The following PKHD1L1 variants were observed in gnomAD, a reference collection of about 807,000 sequenced individuals.
PKHD1L1 encodes the protein PKHD1 like 1.
In PKHD1L1, 434 loss-of-function variants were observed where a neutral mutation model predicts 462.9. The ratio of observed to expected loss-of-function variants is 0.94; its 90% CI spans 0.87 to 1.02. PKHD1L1 has a LOEUF of 1.02. Among genes scored for constraint, PKHD1L1 ranks in the 50% least tolerant of loss-of-function variants. The pLI is 0.00. For synonymous variants in PKHD1L1, 1,781 were observed against 1,750.0 expected, an observed-to-expected ratio of 1.02 and a Z score of -0.44; for missense variants, 5,202 against 5,096.1, an observed-to-expected ratio of 1.02 and a Z score of -0.63.
chr8:109,389,213 T>A, intron 8 of PKHD1L1, 61 bp downstream of exon 8: 1 of 1,376,458 alleles, frequency 7.3e-7, no homozygotes, highest in South Asian at 1.2e-5. Context: ...TTCCCTGTTT[T>A]GTATTCTCCT....
chr8:109,442,438 T>C (rs1172498474), intron 35 of PKHD1L1, among the ~76,000 whole-genome samples: 2 of 152,150 alleles, frequency 1.3e-5, no homozygotes, highest in African/African-American at 4.8e-5. Flanking sequence ...AATCAACCAA[T>C]TGAAAAACAT....
chr8:109,383,172 A>G (rs1338302886), intron 4 of PKHD1L1, among the ~76,000 whole-genome samples: 2 of 107,004 alleles, frequency 1.9e-5, no homozygotes, highest in African/African-American at 7.6e-5. Context: ...TATAATATAT[A>G]CAATAATATA....
chr8:109,510,939 G>A lies in PKHD1L1; in HGVS notation c.11553+5G>A. 1 of 1,611,104 alleles carries A rather than the reference G, an allele frequency of 6.2e-7. No individual in the cohort carries two copies. The highest frequency in any genetic ancestry group is 8.5e-7 in the Non-Finnish European group (1 of 1,178,462). On this transcript the variant is annotated splice_donor_5th_base_variant and intron_variant, in intron 71 of 77. Coordinates refer to ENST00000378402, the MANE Select transcript of PKHD1L1 (RefSeq NM_177531.6). ...CTTAATGTTGATCATAACAAGGTAG[G>A]GCAAGATGTCTTAAGAGTAATTGCT...
rs1816696448 is a variant in PKHD1L1 at position 109,454,266 on chromosome 8, A to G, written c.6744+20A>G. ...CTTCAGGTATTCAAAAGAACATAAT[A>G]CATATTCATTTCCAACCTGTCTCCA... On this transcript the variant is annotated intron_variant, in intron 44 of 77. Coordinates refer to ENST00000378402, the MANE Select transcript of PKHD1L1 (RefSeq NM_177531.6). The G allele has an allele frequency of 1.3e-6, 2 of 1,532,798 alleles. No individual in the cohort carries two copies. The highest frequency in any genetic ancestry group is 1.8e-6 in the Non-Finnish European group (2 of 1,123,436). The allele number at this position is 1,532,798 out of a possible 1,614,324, so 94.9% of individuals were successfully genotyped here.
intron 13 of PKHD1L1, 120 bp downstream of exon 13, chr8:109,400,464 TG>T: frequency 8.3e-7 from 1 of 1,208,704 alleles, no homozygotes; most frequent in Non-Finnish European, 1.1e-6. Context: ...TGATGTCATG[TG>T]GTTTGGCTCT....
rs895169731 is a variant in PKHD1L1 at position 109,527,434 on chromosome 8, G to A, written c.12721+414G>A. Among the ~76,000 whole-genome samples the A allele has an allele frequency of 2.0e-5, 3 of 152,234 alleles. No homozygotes were observed. In the South Asian group the frequency reaches 6.2e-4, roughly 32 times the overall value. ...CAGGAGAATCGCTTGAGCCTGGGAGGTGGAGGCTGCAGTGAACTGAGATCC... is the reference window on the plus strand; with the variant it reads ...CAGGAGAATCGCTTGAGCCTGGGAGATGGAGGCTGCAGTGAACTGAGATCC... On this transcript the variant is annotated intron_variant, in intron 77 of 77. Transcript: ENST00000378402.
chr8:109,524,446 T>C (rs1490334780), intron 76 of PKHD1L1, among the ~76,000 whole-genome samples: 2 of 152,176 alleles, frequency 1.3e-5, no homozygotes, highest in South Asian at 2.1e-4. Context: ...ATGGAATTTT[T>C]TTTTTATGGG....
At chr8:109,515,010 T>A (rs1460916438) in intron 71 of PKHD1L1, among the ~76,000 whole-genome samples, 160 bp from the exon 72 acceptor site, 1 of 152,132 alleles carries the variant, frequency 6.6e-6, no homozygotes, top group Non-Finnish European at 1.5e-5. Flanking sequence ...AATGGTTGAA[T>A]GTAAGCCCAT....
At position 109,408,063 on chromosome 8, in the gene PKHD1L1, C is replaced by T. The variant is rs1220966717; in HGVS notation, c.1828C>T (p.Leu610Phe). 7 of 1,601,380 alleles carry T rather than the reference C, an allele frequency of 4.4e-6. No individual in the cohort carries two copies. Among genetic ancestry groups the T allele is most frequent in the African/African-American group, 2.7e-5 (2 of 74,632 alleles). ...FISTRGDFDL[L>F]GYEVVEGNNV... The stretch of plus-strand genomic sequence containing the variant: ...CTTAATTTCAGGAGACTTTGATCTG[C>T]TTGGTTATGAAGTAGTTGAAGGGAA... The change falls in exon 18 of 78, where the codon CTT becomes TTT. Residue 610 changes from leucine to phenylalanine, a missense_variant. Physicochemically the swap from Leu to Phe is conservative, Grantham distance 22 (BLOSUM62 0). Around this residue, in one of 3 missense-constraint regions of PKHD1L1, gnomAD observed 4,497 missense variants for 4,336.8 expected, o/e 1.04. Transcript: ENST00000378402.
At chr8:109,514,362 T>C (rs983649820) in intron 71 of PKHD1L1, among the ~76,000 whole-genome samples, 4 of 152,196 alleles carry the variant, frequency 2.6e-5, no homozygotes, top group African/African-American at 4.8e-5. Context: ...TTACCTTTTA[T>C]TATTTCTATT....
chr8:109,370,790 A>G (rs1448066162), intron 2 of PKHD1L1, among the ~76,000 whole-genome samples: 1 of 152,156 alleles, frequency 6.6e-6, no homozygotes, highest in Non-Finnish European at 1.5e-5. Context: ...TAGCTTGCTG[A>G]GAATGATGGT....
rs1299570812 is a variant in PKHD1L1 at position 109,534,002 on chromosome 8, T to A, written c.*3912T>A. ...TAGGGTTTCATTGTTATTTGGTGGT[T>A]ATCCTAAATCTCCTGCTTTCATCAG... On this transcript the variant is annotated 3_prime_UTR_variant, in exon 78 of 78. Coordinates refer to ENST00000378402, the MANE Select transcript of PKHD1L1 (RefSeq NM_177531.6). Among the ~76,000 whole-genome samples the A allele has an allele frequency of 6.6e-6, 1 of 152,234 alleles. No homozygotes were observed. Among genetic ancestry groups the A allele is most frequent in the Non-Finnish European group, 1.5e-5 (1 of 68,038 alleles).
intron 76 of PKHD1L1, among the ~76,000 whole-genome samples, chr8:109,525,820 T>C (rs1293709671): frequency 6.6e-6 from 1 of 151,952 alleles, no homozygotes; most frequent in Non-Finnish European, 1.5e-5. Flanking sequence ...CAGAAAATTC[T>C]ATAGTACAGT....
At chr8:109,442,231 C>A in intron 35 of PKHD1L1, 36 bp downstream of exon 35, 1 of 1,544,340 alleles carries the variant, frequency 6.5e-7, no homozygotes, top group Non-Finnish European at 8.8e-7. Context: ...CATCATGTCA[C>A]TTTTTCCTAA....
At chr8:109,364,943 T>C (rs1811158506) in intron 2 of PKHD1L1, among the ~76,000 whole-genome samples, 1 of 152,232 alleles carries the variant, frequency 6.6e-6, no homozygotes, top group African/African-American at 2.4e-5. Flanking sequence ...ATGAGTCTAA[T>C]AACATTTAAT....
intron 22 of PKHD1L1, among the ~76,000 whole-genome samples, chr8:109,420,115 T>G (rs1814388526): frequency 6.6e-6 from 1 of 152,194 alleles, no homozygotes; most frequent in Admixed American, 6.5e-5. Context: ...GCAATGAAGA[T>G]GACAATCTTT....
intron 6 of PKHD1L1, among the ~76,000 whole-genome samples, chr8:109,387,651 T>C (rs1251462960): frequency 2.6e-5 from 4 of 152,214 alleles, no homozygotes; most frequent in Non-Finnish European, 5.9e-5. Flanking sequence ...CATGAATGTG[T>C]ATAATGGGTA....
Position 109,465,016 on chromosome 8 carries a change from G to T in PKHD1L1, c.8184G>T (p.Leu2728=). Residue 2728 remains leucine (L), a synonymous_variant, in exon 49 of 78, where the codon CTG becomes CTT. Coordinates refer to ENST00000378402, the MANE Select transcript of PKHD1L1 (RefSeq NM_177531.6). ...CTGCATTTTGCACAGCAAAAGGCCT[G>T]GTTCTCCCATTTAGTGAAGGCTTGA... ...MGSAFCTAKG[L]VLPFSEGLTV... The T allele has an allele frequency of 1.2e-6, 2 of 1,613,788 alleles. No individual in the cohort carries two copies. Among genetic ancestry groups the T allele is most frequent in the Non-Finnish European group, 1.7e-6 (2 of 1,179,788 alleles).
intron 68 of PKHD1L1, among the ~76,000 whole-genome samples, 178 bp downstream of exon 68, chr8:109,504,670 GT>G (rs1464559230): frequency 6.6e-6 from 1 of 152,132 alleles, no homozygotes; most frequent in African/African-American, 2.4e-5. Context: ...TCTCAGATGA[GT>G]TTTTAAAACT....
Sources: gnomAD v4.1 joint callset for allele counts (sites outside exome capture counted in the v4.1 genomes callset) on GRCh38, gnomAD v4.1.1 for gene constraint, gnomAD v4.1.1 regional missense constraint, MANE v1.5 for transcripts, NCBI Gene and HGNC (gene_info 2026-07-23, HGNC 2026-07-21) for gene names.